The following IPO9 variants were observed in gnomAD, a reference collection of about 807,000 sequenced individuals.
IPO9 encodes the protein importin 9.
Under a neutral mutation model 128.6 loss-of-function variants are expected in IPO9, and 28 were observed. The observed-to-expected ratio is 0.22, with a 90% CI of 0.16 to 0.30. The LOEUF (loss-of-function observed/expected upper bound fraction) is 0.30, where lower values mean the gene tolerates loss of function less well. IPO9 is among the 10% of genes least tolerant of loss of function. The probability of loss-of-function intolerance (pLI) is 1.00; values close to 1 mark genes in which losing one functional copy is unlikely to be tolerated. For missense variants in IPO9, 935 were observed against 1,293.9 expected, an observed-to-expected ratio of 0.72 and a Z score of 4.26; for synonymous variants, 455 against 475.8, an observed-to-expected ratio of 0.96 and a Z score of 0.57.
chr1:201,869,669 C>G lies in IPO9; in HGVS notation c.2084C>G (p.Pro695Arg). Residue 695 changes from proline (P) to arginine (R), a missense_variant, in exon 17 of 24, where the codon CCT becomes CGT. By Grantham distance (103) the Pro-to-Arg change is moderately radical. Around this residue, in one of 3 missense-constraint regions of IPO9, gnomAD observed 741 missense variants for 1,019.1 expected, o/e 0.73. Coordinates refer to ENST00000361565, the MANE Select transcript of IPO9 (RefSeq NM_018085.5). ...CAGCTTCTCATCTGCCAAGCTTTCCCTGCTGTGGCACAGTGTACCCTTCAC... is the reference window on the plus strand; with the variant it reads ...CAGCTTCTCATCTGCCAAGCTTTCCGTGCTGTGGCACAGTGTACCCTTCAC... ...LSQLLICQAF[P>R]AVAQCTLHTD... 1 of 1,614,218 alleles carries G rather than the reference C, an allele frequency of 6.2e-7. No homozygotes were observed. Among genetic ancestry groups the G allele is most frequent in the South Asian group, 1.1e-5 (1 of 91,090 alleles).
chr1:201,829,324 G>A lies in IPO9; in HGVS notation c.115G>A (p.Val39Met). The A allele has an allele frequency of 1.3e-6, 2 of 1,594,230 alleles. No homozygotes were observed. The highest frequency in any genetic ancestry group is 1.7e-6 in the Non-Finnish European group (2 of 1,171,576). The change falls in exon 1 of 24, where the codon GTG (valine) becomes ATG (methionine). Residue 39 changes from valine (V) to methionine (M), a missense_variant. Coordinates refer to ENST00000361565, the MANE Select transcript of IPO9 (RefSeq NM_018085.5). ...LTGILSPVQE[V>M]RAAAEEQIKV... ...CGGGATCCTATCCCCAGTACAGGAGGTGCGGGCGGCTGCTGAAGAACAGAT... is the reference window on the plus strand; with the variant it reads ...CGGGATCCTATCCCCAGTACAGGAGATGCGGGCGGCTGCTGAAGAACAGAT...
In IPO9 at chr1:201,878,032, C is replaced by T. The variant is rs958853352; in HGVS notation, c.*1978C>T. ...AATTTCTTCATGCCACTAGGTGTCC[C>T]CAGTGTTCAACCTCCATGACTGAGA... On this transcript the variant is annotated 3_prime_UTR_variant, in exon 24 of 24. Transcript: ENST00000361565. The T allele has an allele frequency of 1.3e-5, 2 of 152,202 alleles. No individual in the cohort carries two copies. The highest frequency in any genetic ancestry group is 1.3e-4 in the Admixed American group (2 of 15,280). 9.4% of individuals were successfully genotyped at this position (152,202 alleles called of 1,614,324 possible). A position where few individuals can be genotyped will look rare whatever the true frequency, so the allele number is the denominator to read the frequency against.
At chr1:201,871,620 T>G (rs1191691198) in intron 19 of IPO9, among the ~76,000 whole-genome samples, 1 of 151,966 alleles carries the variant, frequency 6.6e-6, no homozygotes, top group Admixed American at 6.6e-5. Context: ...CTTGAACTCC[T>G]GACCTCAAGT....
rs1169849246 is a variant in IPO9 at position 201,829,207 on chromosome 1, A to T, written c.-3A>T. 2 of 1,541,904 alleles carry T rather than the reference A, an allele frequency of 1.3e-6. No individual in the cohort carries two copies. Among genetic ancestry groups the T allele is most frequent in the Non-Finnish European group, 1.7e-6 (2 of 1,148,740 alleles). ...CGGGGCTGGCGGGCTGAGGGGAGAA[A>T]AGATGGCGGCGGCGGCGGCAGCTGG... On this transcript the variant is annotated 5_prime_UTR_variant, in exon 1 of 24. Transcript: ENST00000361565.
At chr1:201,834,196 ACTTT>A (rs76829756) in intron 1 of IPO9, among the ~76,000 whole-genome samples, 42,431 of 140,118 alleles carry the variant, frequency 0.3, 6,463 homozygotes, top group East Asian at 0.44. Context: ...GAGTAAAAAA[ACTTT>A]TCTTTTCTTT....
chr1:201,871,039 C>T (rs1680641222), intron 18 of IPO9, 122 bp from the exon 19 acceptor site: 2 of 1,280,644 alleles, frequency 1.6e-6, no homozygotes, highest in Non-Finnish European at 1.1e-6. Context: ...CCCATGTTTT[C>T]TTGTCCTGTG....
At chr1:201,859,123 A>G (rs1680388701) in intron 13 of IPO9, 129 bp downstream of exon 13, 2 of 662,734 alleles carry the variant, frequency 3.0e-6, no homozygotes, top group Admixed American at 3.0e-5. Flanking sequence ...CCAACATGGC[A>G]CATGTATACA....
Position 201,878,614 on chromosome 1 carries a change from A to T in IPO9, c.*2560A>T, listed in dbSNP as rs1017131892. Reference sequence around the variant, plus strand: ...TAAGGGCTACCCCTGGCTAACAGATACTCGGCTGTGGGTGAGAGCAGAAGG... The same window carrying T: ...TAAGGGCTACCCCTGGCTAACAGATTCTCGGCTGTGGGTGAGAGCAGAAGG... On this transcript the variant is annotated 3_prime_UTR_variant, in exon 24 of 24. Transcript: ENST00000361565. The T allele has an allele frequency of 1.3e-5, 2 of 152,586 alleles. No individual in the cohort carries two copies. The highest frequency in any genetic ancestry group is 4.8e-5 in the African/African-American group (2 of 41,438). The allele number at this position is 152,586 out of a possible 1,614,324, so 9.5% of individuals were successfully genotyped here. A position where few individuals can be genotyped will look rare whatever the true frequency, so the allele number is the denominator to read the frequency against.
chr1:201,863,713 G>A, intron 14 of IPO9, 106 bp downstream of exon 14: 2 of 1,050,714 alleles, frequency 1.9e-6, no homozygotes, highest in Non-Finnish European at 2.7e-6. Flanking sequence ...CCCTGCTAAT[G>A]ATATCCTTCA....
intron 10 of IPO9, among the ~76,000 whole-genome samples, chr1:201,856,281 A>G (rs1359486006): frequency 6.6e-6 from 1 of 152,002 alleles, no homozygotes; most frequent in East Asian, 1.9e-4. Flanking sequence ...CACTTTTGCC[A>G]TTAGAAAATC....
chr1:201,858,703 T>C (rs1385809375), intron 12 of IPO9, 150 bp downstream of exon 12: 4 of 841,820 alleles, frequency 4.8e-6, no homozygotes, highest in Non-Finnish European at 7.1e-6. Context: ...TTTCACTCTT[T>C]TCAGCTATAG....
intron 19 of IPO9, among the ~76,000 whole-genome samples, chr1:201,871,571 T>C (rs9661835): frequency 6.6e-6 from 1 of 151,932 alleles, no homozygotes; most frequent in Non-Finnish European, 1.5e-5. Context: ...GTGTGTGTTT[T>C]TAGTAGAGAG....
At chr1:201,836,527 A>G (rs763071674) in intron 1 of IPO9, among the ~76,000 whole-genome samples, 4 of 152,208 alleles carry the variant, frequency 2.6e-5, no homozygotes, top group Non-Finnish European at 5.9e-5. Flanking sequence ...CTGGGACTAC[A>G]GGTGTGCATC....
intron 14 of IPO9, among the ~76,000 whole-genome samples, chr1:201,865,257 G>A (rs1680530931): frequency 6.9e-6 from 1 of 145,694 alleles, no homozygotes. Context: ...CGCCCAGGCT[G>A]GAGTGCAGTG....
chr1:201,855,186 T>A lies in IPO9; in HGVS notation c.970+4T>A, dbSNP rs1460667918. The stretch of plus-strand genomic sequence containing the variant: ...GAAGATCCTGTGGATTCTGATGGTA[T>A]GTAGTTTATTTGATCTTTATAGAAA... On this transcript the variant is annotated splice_donor_region_variant and intron_variant, in intron 9 of 23. Transcript: ENST00000361565. 5.1e-6 allele frequency: 8 copies of A among 1,573,972 alleles called. No homozygotes were observed. In the African/African-American group the frequency reaches 6.7e-5, roughly 13 times the overall value.
At chr1:201,869,779 T>C in intron 17 of IPO9, 61 bp downstream of exon 17, 3 of 1,534,738 alleles carry the variant, frequency 2.0e-6, no homozygotes, top group Non-Finnish European at 2.6e-6. Context: ...GCTTATACTA[T>C]GCTGAGAAAT....
At chr1:201,868,132 C>T (rs940625598) in intron 15 of IPO9, among the ~76,000 whole-genome samples, 1 of 152,190 alleles carries the variant, frequency 6.6e-6, no homozygotes, top group African/African-American at 2.4e-5. Flanking sequence ...AGTTCCCTTT[C>T]TTCATAAGGC....
intron 1 of IPO9, among the ~76,000 whole-genome samples, chr1:201,836,129 A>AC (rs1679917181): frequency 6.7e-6 from 1 of 148,446 alleles, no homozygotes; most frequent in African/African-American, 2.4e-5. Context: ...CAAAAAAAAA[A>AC]AAAAAAAAAA....
At chr1:201,861,529 G>A (rs1016089574) in intron 13 of IPO9, among the ~76,000 whole-genome samples, 1 of 152,192 alleles carries the variant, frequency 6.6e-6, no homozygotes, top group South Asian at 2.1e-4. Flanking sequence ...GCCCGGCTAA[G>A]CTGTGATGTT....
Sources: gnomAD v4.1 joint callset for allele counts (sites outside exome capture counted in the v4.1 genomes callset) on GRCh38, gnomAD v4.1.1 for gene constraint, gnomAD v4.1.1 regional missense constraint, MANE v1.5 for transcripts, NCBI Gene and HGNC (gene_info 2026-07-23, HGNC 2026-07-21) for gene names.